Variants in KLF17 observed in about 807,000 individuals in gnomAD.
The protein encoded by KLF17 is Krueppel-like factor 17.
KLF17 carries 31 observed loss-of-function variants against 34.2 expected under a neutral mutation model. That is an observed-to-expected ratio of 0.91 (90% CI 0.68 to 1.22). The LOEUF is 1.22. KLF17 is among the 50% of genes most tolerant of loss of function. KLF17 has a pLI of 0.00. For missense variants in KLF17, 478 were observed against 505.2 expected, an observed-to-expected ratio of 0.95 and a Z score of 0.52; for synonymous variants, 179 against 186.7, an observed-to-expected ratio of 0.96 and a Z score of 0.34.
the KLF17 span, among the ~76,000 whole-genome samples, chr1:44,047,263 G>A: frequency 6.6e-6 from 1 of 152,202 alleles, no homozygotes; most frequent in East Asian, 1.9e-4. Flanking sequence ...CTAAGATGGA[G>A]CAATTGTACT....
chr1:44,049,387 C>T, the KLF17 span, among the ~76,000 whole-genome samples: 1 of 152,188 alleles, frequency 6.6e-6, no homozygotes, highest in African/African-American at 2.4e-5. Context: ...CTCCCAATCC[C>T]AGCCCTCTGC....
chr1:44,058,353 C>T, the KLF17 span, among the ~76,000 whole-genome samples: 13 of 152,198 alleles, frequency 8.5e-5, no homozygotes, highest in Admixed American at 2.0e-4. Flanking sequence ...TGCAGTGGCA[C>T]GATCTCGGCT....
At chr1:44,120,748 G>A (rs2087936219) in intron 1 of KLF17, among the ~76,000 whole-genome samples, 1 of 152,204 alleles carries the variant, frequency 6.6e-6, no homozygotes, top group Admixed American at 6.5e-5. Flanking sequence ...CACCCCAGAG[G>A]TGCCCACCCA....
At chr1:44,117,806 A>G (rs1399743673), upstream of KLF17, among the ~76,000 whole-genome samples, 1 of 152,112 alleles carries the variant, frequency 6.6e-6, no homozygotes, top group Non-Finnish European at 1.5e-5. Context: ...CATCTCCTTT[A>G]GATTTCTAAC....
chr1:44,129,725 A>G lies in KLF17; in HGVS notation c.454A>G (p.Arg152Gly). The change falls in exon 2 of 4, where the codon AGG becomes GGG. Residue 152 changes from arginine to glycine, a missense_variant. Physicochemically the swap from Arg to Gly is moderately radical, Grantham distance 125. Coordinates refer to ENST00000372299, the MANE Select transcript of KLF17 (RefSeq NM_173484.4). Reference protein sequence around the residue: ...RVARPFGGNLRMPPNGLPVSA... With the variant: ...RVARPFGGNLGMPPNGLPVSA... ...AGCCAGGCCCTTCGGTGGGAATCTA[A>G]GGATGCCCCCCAATGGGCTGCCAGT... is the stretch of plus-strand genomic sequence containing the variant. 1 of 1,614,166 alleles carries G rather than the reference A, an allele frequency of 6.2e-7. No individual in the cohort carries two copies. The highest frequency in any genetic ancestry group is 8.5e-7 in the Non-Finnish European group (1 of 1,180,008).
chr1:44,132,282 G>C (rs917362084), intron 3 of KLF17, among the ~76,000 whole-genome samples: 1 of 152,048 alleles, frequency 6.6e-6, no homozygotes, highest in African/African-American at 2.4e-5. Context: ...CTCCAGCCTG[G>C]GTGACAGCAA....
intron 1 of KLF17, among the ~76,000 whole-genome samples, chr1:44,127,639 C>CTTCTTTCTTTCTTTCTTTCTTTCT (rs34643385): frequency 5.2e-5 from 4 of 77,426 alleles, no homozygotes; most frequent in African/African-American, 2.0e-4. Flanking sequence ...CTTTTCTTTC[C>CTTCTTTCTTTCTTTCTTTCTTTCT]TTCTTTCTTT....
rs771038219 is a variant in KLF17, at chr1:44,129,428, C to T, written c.157C>T (p.Gln53Ter). ...CTCTGGAGTGCACACCTCTTGGAAC[C>T]AAGGCCTACCAAGCATTCAGCACTT... ...GSSGVHTSWNQGLPSIQHFPH... is the reference protein window; with the variant it reads ...GSSGVHTSWN The change falls in exon 2 of 4, where the codon CAA (glutamine) becomes TAA (stop). Residue 53 changes from glutamine to a stop codon, truncating the protein, a stop_gained. Coordinates refer to ENST00000372299, the MANE Select transcript of KLF17 (RefSeq NM_173484.4). LOFTEE classifies it high-confidence loss of function. The T allele has an allele frequency of 3.2e-5, 51 of 1,583,652 alleles. No individual in the cohort carries two copies. The East Asian group carries it at 1.1e-3, about 35-fold the overall frequency.
the KLF17 span, among the ~76,000 whole-genome samples, chr1:44,072,232 G>A: frequency 6.6e-6 from 1 of 150,676 alleles, no homozygotes; most frequent in African/African-American, 2.4e-5. Flanking sequence ...TGGGAAGATA[G>A]TGGGAAGTGT....
intron 1 of KLF17, chr1:44,122,479 G>T: frequency 1.8e-6 from 2 of 1,141,524 alleles, no homozygotes; most frequent in Non-Finnish European, 2.7e-6. Context: ...ACAGTTTCAT[G>T]ACTCAATTTC....
chr1:44,074,347 C>G, the KLF17 span, among the ~76,000 whole-genome samples: 1 of 152,160 alleles, frequency 6.6e-6, no homozygotes, highest in Non-Finnish European at 1.5e-5. Context: ...CTCTCCTCAT[C>G]CTCATTGCCT....
the KLF17 span, chr1:44,113,723 TATG>T: frequency 6.6e-6 from 1 of 152,236 alleles, no homozygotes; most frequent in Non-Finnish European, 1.5e-5. Flanking sequence ...ATAAAATGGA[TATG>T]ATAATCCTTT....
chr1:44,049,578 GGTCAAGCAATC>G, the KLF17 span, among the ~76,000 whole-genome samples: 1 of 152,190 alleles, frequency 6.6e-6, no homozygotes, highest in Admixed American at 6.5e-5. Context: ...TGCTTCCCAG[GGTCAAGCAATC>G]CTCTGAGCTC....
the KLF17 span, among the ~76,000 whole-genome samples, chr1:44,106,279 G>C: frequency 0.32 from 49,137 of 151,900 alleles, 8,101 homozygotes; most frequent in South Asian, 0.38. Flanking sequence ...CTGTCCCTCT[G>C]TCCATCCTCA....
At chr1:44,100,105 CACACACACACAA>C in the KLF17 span, among the ~76,000 whole-genome samples, 498 of 150,766 alleles carry the variant, frequency 3.3e-3, 2 homozygotes, top group African/African-American at 0.012. Flanking sequence ...CACACACACA[CACACACACACAA>C]ATTAGCTGGG....
the KLF17 span, among the ~76,000 whole-genome samples, chr1:44,065,413 T>G: frequency 6.2e-5 from 9 of 145,436 alleles, no homozygotes; most frequent in South Asian, 2.3e-4. Flanking sequence ...TGGTTTTTTT[T>G]TTTTTTTTTT....
chr1:44,097,590 T>TA, the KLF17 span, among the ~76,000 whole-genome samples: 9 of 144,476 alleles, frequency 6.2e-5, no homozygotes, highest in Non-Finnish European at 9.2e-5. Flanking sequence ...TAAAGTATAA[T>TA]AAAAAAAGAA....
At chr1:44,091,680 G>C in the KLF17 span, among the ~76,000 whole-genome samples, 2 of 146,096 alleles carry the variant, frequency 1.4e-5, no homozygotes, top group Non-Finnish European at 3.0e-5. Context: ...GAAAAAGAAA[G>C]CTCCATACTT....
chr1:44,121,831 T>G (rs1014842093), intron 1 of KLF17, among the ~76,000 whole-genome samples: 4 of 152,296 alleles, frequency 2.6e-5, no homozygotes, highest in African/African-American at 9.6e-5. Flanking sequence ...GATACTTGTA[T>G]TAAGGTAGCG....
Sources: gnomAD v4.1 joint callset for allele counts (sites outside exome capture counted in the v4.1 genomes callset) on GRCh38, gnomAD v4.1.1 for gene constraint, MANE v1.5 for transcripts, NCBI Gene and HGNC (gene_info 2026-07-23, HGNC 2026-07-21) for gene names.